Variants in DNAJB12 observed in about 807,000 individuals in gnomAD.
The protein encoded by DNAJB12 is DnaJ heat shock protein family (Hsp40) member B12.
In DNAJB12, 14 loss-of-function variants were observed where a neutral mutation model predicts 40.6. The ratio of observed to expected loss-of-function variants is 0.34; its 90% CI spans 0.23 to 0.54. The LOEUF is 0.54. DNAJB12 is among the 20% of genes least tolerant of loss of function. The pLI, the probability that DNAJB12 is intolerant of heterozygous loss-of-function variation, is 0.92. For missense variants in DNAJB12, 444 were observed against 501.7 expected, an observed-to-expected ratio of 0.89 and a Z score of 1.10; for synonymous variants, 181 against 199.5, an observed-to-expected ratio of 0.91 and a Z score of 0.78.
intron 5 of DNAJB12, among the ~76,000 whole-genome samples, chr10:72,339,032 G>A (rs1861554747): frequency 6.6e-6 from 1 of 152,166 alleles, no homozygotes; most frequent in Non-Finnish European, 1.5e-5. Context: ...GGCTGAGGCA[G>A]GAGGACCACT....
intron 1 of DNAJB12, among the ~76,000 whole-genome samples, chr10:72,349,820 T>C (rs532298656): frequency 1.4e-4 from 21 of 152,284 alleles, no homozygotes; most frequent in South Asian, 1.2e-3. Flanking sequence ...CTGGGTCACA[T>C]AGAAGCTTTC....
intron 1 of DNAJB12, among the ~76,000 whole-genome samples, chr10:72,349,358 G>T (rs140472677): frequency 6.6e-6 from 1 of 151,988 alleles, no homozygotes; most frequent in Non-Finnish European, 1.5e-5. Context: ...GGGTAGCGGG[G>T]GAGCTCCAAG....
At chr10:72,343,661 AC>A in intron 2 of DNAJB12, 150 bp from the exon 3 acceptor site, 1 of 827,360 alleles carries the variant, frequency 1.2e-6, no homozygotes, top group African/African-American at 1.7e-5. Flanking sequence ...GCTGTGTGAC[AC>A]CAGGGACAAG....
chr10:72,335,670 G>A lies in DNAJB12; in HGVS notation c.*30+110C>T, dbSNP rs1271819293. 1.4e-6 allele frequency: 2 copies of A among 1,466,634 alleles called. No homozygotes were observed. The highest frequency in any genetic ancestry group is 1.4e-5 in the African/African-American group (1 of 71,086). The allele number at this position is 1,466,634 out of a possible 1,614,324, so 90.9% of individuals were successfully genotyped here. A position where few individuals can be genotyped will look rare whatever the true frequency, so the allele number is the denominator to read the frequency against. The stretch of plus-strand genomic sequence containing the variant: ...GCTGGAGGTCAGGCTGGGGACAGGA[G>A]TCTTTGCCACAATCACCAGGCTTCC... On this transcript the variant is annotated intron_variant, in intron 8 of 8. Coordinates refer to ENST00000444643, the MANE Select transcript of DNAJB12 (RefSeq NM_017626.7). This position sits in a 1 kb window ranked among gnomAD's most constrained non-coding sequence, Gnocchi z 4.4.
At chr10:72,338,738 A>G (rs1445741756) in intron 5 of DNAJB12, among the ~76,000 whole-genome samples, 3 of 151,810 alleles carry the variant, frequency 2.0e-5, no homozygotes, top group Non-Finnish European at 4.4e-5. Context: ...GGAGACCAAC[A>G]TGAGAGGAAC....
intron 5 of DNAJB12, among the ~76,000 whole-genome samples, chr10:72,339,345 C>T (rs1376457766): frequency 6.6e-6 from 1 of 151,208 alleles, no homozygotes; most frequent in Non-Finnish European, 1.5e-5. Flanking sequence ...ACCAGCCTGG[C>T]CAACATGGTG....
At chr10:72,345,847 T>C (rs573959698) in intron 1 of DNAJB12, among the ~76,000 whole-genome samples, 4 of 149,838 alleles carry the variant, frequency 2.7e-5, no homozygotes, top group African/African-American at 9.8e-5. Flanking sequence ...ATTAGCAAGA[T>C]TGTGCCACTG....
intron 2 of DNAJB12, among the ~76,000 whole-genome samples, chr10:72,344,055 C>A (rs1861715526): frequency 6.6e-6 from 1 of 152,148 alleles, no homozygotes; most frequent in Admixed American, 6.5e-5. Context: ...ATGCTCAGCC[C>A]AATCTGAGTC....
Position 72,335,622 on chromosome 10 carries a change from C to T in DNAJB12, c.*30+158G>A. On this transcript the variant is annotated intron_variant, in intron 8 of 8. Transcript: ENST00000444643. This position sits in a 1 kb window ranked among gnomAD's most constrained non-coding sequence, Gnocchi z 4.4. ...ACCGACCTTGGTTTCCCAGCAGGCC[C>T]CACAGCTGCTCGGTCTCTGGAGGCT... The T allele has an allele frequency of 7.1e-7, 1 of 1,412,506 alleles. No individual in the cohort carries two copies. Among genetic ancestry groups the T allele is most frequent in the Non-Finnish European group, 9.2e-7 (1 of 1,085,006 alleles). 87.5% of individuals were successfully genotyped at this position (1,412,506 alleles called of 1,614,324 possible).
chr10:72,336,015 A>C, intron 7 of DNAJB12, 84 bp from the exon 8 acceptor site: 3 of 1,557,158 alleles, frequency 1.9e-6, no homozygotes, highest in Non-Finnish European at 2.6e-6. Context: ...TGGAGGGCGG[A>C]GGAAAGCTGG....
At chr10:72,351,361 C>T (rs72808144) in intron 1 of DNAJB12, among the ~76,000 whole-genome samples, 10,592 of 152,194 alleles carry the variant, frequency 0.07, 740 homozygotes, top group African/African-American at 0.18. Context: ...CCCTCACATC[C>T]CTTTTTGCTG....
chr10:72,344,492 C>T (rs1861727555), intron 2 of DNAJB12, among the ~76,000 whole-genome samples: 1 of 152,214 alleles, frequency 6.6e-6, no homozygotes, highest in Non-Finnish European at 1.5e-5. Context: ...GTGGGGCCTG[C>T]TCACAGCCGT....
chr10:72,338,637 C>G (rs536820140), intron 5 of DNAJB12, among the ~76,000 whole-genome samples: 1 of 151,496 alleles, frequency 6.6e-6, no homozygotes, highest in Non-Finnish European at 1.5e-5. Flanking sequence ...GCAGTATATA[C>G]AAGTTTTTGA....
chr10:72,344,140 T>A (rs1007587854), intron 2 of DNAJB12, among the ~76,000 whole-genome samples: 16 of 152,148 alleles, frequency 1.1e-4, no homozygotes, highest in Admixed American at 9.2e-4. Context: ...GAGACCCTGG[T>A]TCTCTTTCAC....
At chr10:72,348,723 G>A (rs72808139) in intron 1 of DNAJB12, among the ~76,000 whole-genome samples, 11,390 of 152,328 alleles carry the variant, frequency 0.075, 880 homozygotes, top group African/African-American at 0.2. Context: ...GTTGCTCTGA[G>A]TAAGGGAGGC....
At chr10:72,350,738 T>C (rs1258242884) in intron 1 of DNAJB12, among the ~76,000 whole-genome samples, 1 of 152,182 alleles carries the variant, frequency 6.6e-6, no homozygotes, top group Non-Finnish European at 1.5e-5. Flanking sequence ...CATGTGGCCT[T>C]GCCAGGTTAG....
Position 72,352,624 on chromosome 10 carries a change from C to T in DNAJB12, c.133+2141G>A, listed in dbSNP as rs540541579. The stretch of plus-strand genomic sequence containing the variant: ...GATTTTTTCATGCCTGTCCTTAAGT[C>T]CTCAGCGTCTAACCTTGGGTTTATT... On this transcript the variant is annotated intron_variant, in intron 1 of 8. Coordinates refer to ENST00000444643, the MANE Select transcript of DNAJB12 (RefSeq NM_017626.7). Among the ~76,000 whole-genome samples the T allele has an allele frequency of 3.3e-5, 5 of 152,276 alleles. No individual in the cohort carries two copies. In the South Asian group the frequency reaches 6.2e-4, roughly 19 times the overall value.
At chr10:72,343,872 C>T (rs1403698164) in intron 2 of DNAJB12, among the ~76,000 whole-genome samples, 2 of 151,812 alleles carry the variant, frequency 1.3e-5, no homozygotes, top group Non-Finnish European at 2.9e-5. Flanking sequence ...AACCGACTCT[C>T]CTGGCAATCT....
chr10:72,354,744 T>C, intron 1 of DNAJB12, 21 bp downstream of exon 1: 1 of 1,597,742 alleles, frequency 6.3e-7, no homozygotes, highest in Non-Finnish European at 8.5e-7. Flanking sequence ...GTCCCCAGTC[T>C]CTCCGGCACC....
Sources: gnomAD v4.1 joint callset for allele counts (sites outside exome capture counted in the v4.1 genomes callset) on GRCh38, gnomAD v4.1.1 for gene constraint, Gnocchi (gnomAD v3.1) non-coding constraint, MANE v1.5 for transcripts, NCBI Gene and HGNC (gene_info 2026-07-23, HGNC 2026-07-21) for gene names.